Variants in ZNF236 observed in about 807,000 individuals in gnomAD.
ZNF236 encodes the protein zinc finger protein 236, also known as regulated by glucose.
ZNF236 carries 50 observed loss-of-function variants against 191.2 expected under a neutral mutation model. The observed-to-expected ratio is 0.26, with a 90% CI of 0.21 to 0.33. The LOEUF is 0.33. Among genes scored for constraint, ZNF236 ranks in the 10% least tolerant of loss-of-function variants. ZNF236 has a pLI of 1.00. For synonymous variants in ZNF236, 907 were observed against 928.8 expected (o/e 0.98, Z 0.43); for missense variants, 1,754 against 2,374.5 (o/e 0.74, Z 5.43).
intron 18 of ZNF236, 84 bp from the exon 19 acceptor site, chr18:76,915,563 C>T: frequency 8.0e-7 from 1 of 1,246,926 alleles, no homozygotes. Context: ...TTAAACATAT[C>T]TTTGTTTGGT....
intron 26 of ZNF236, among the ~76,000 whole-genome samples, chr18:76,939,926 C>T (rs562902022): frequency 8.2e-4 from 117 of 142,656 alleles, no homozygotes; most frequent in Middle Eastern, 5.2e-3. Flanking sequence ...ACACGGTGGG[C>T]GACCCTAGCA....
At chr18:76,924,917 G>A (rs1427505139) in intron 21 of ZNF236, among the ~76,000 whole-genome samples, 4 of 152,154 alleles carry the variant, frequency 2.6e-5, no homozygotes, top group African/African-American at 9.7e-5. Flanking sequence ...TCCAATCAAG[G>A]TTCAGAATAA....
At chr18:76,944,755 C>G (rs1336523283) in intron 26 of ZNF236, among the ~76,000 whole-genome samples, 1 of 152,054 alleles carries the variant, frequency 6.6e-6, no homozygotes, top group Non-Finnish European at 1.5e-5. Flanking sequence ...GCACTGTAGC[C>G]TGGGTAACAG....
rs945342927 is a variant in ZNF236, at chr18:76,968,793, A to G, written c.*454A>G. The G allele has an allele frequency of 6.3e-5, 62 of 989,970 alleles. No individual in the cohort carries two copies. Among genetic ancestry groups the G allele is most frequent in the African/African-American group, 7.0e-5 (4 of 57,274 alleles). The allele number at this position is 989,970 out of a possible 1,614,324, so 61.3% of individuals were successfully genotyped here. On this transcript the variant is annotated 3_prime_UTR_variant, in exon 31 of 31. Transcript: ENST00000320610. ...TTGAGGCATGAAGTTCAGAAAAAAA[A>G]GTGTTACAACACACAGGGAAGTTTT...
intron 1 of ZNF236, among the ~76,000 whole-genome samples, chr18:76,823,747 G>T (rs1286589673): frequency 6.6e-6 from 1 of 152,252 alleles, no homozygotes; most frequent in Non-Finnish European, 1.5e-5. Flanking sequence ...CCAGCCCGGA[G>T]CTTGAGGAAC....
intron 1 of ZNF236, among the ~76,000 whole-genome samples, chr18:76,842,620 G>T (rs1426519039): frequency 6.6e-6 from 1 of 151,856 alleles, no homozygotes; most frequent in Non-Finnish European, 1.5e-5. Flanking sequence ...GTGTGGTGGC[G>T]CATGCCTGTA....
intron 1 of ZNF236, among the ~76,000 whole-genome samples, chr18:76,829,388 T>G (rs537330723): frequency 4.0e-5 from 6 of 151,434 alleles, no homozygotes; most frequent in African/African-American, 1.5e-4. Flanking sequence ...AGTGCAGTGC[T>G]ATGATCTCGG....
chr18:76,824,970 T>C (rs1402298236), intron 1 of ZNF236, among the ~76,000 whole-genome samples: 1 of 152,232 alleles, frequency 6.6e-6, no homozygotes, highest in East Asian at 1.9e-4. Flanking sequence ...GTAAATCAGA[T>C]GGCTACACCC....
At chr18:76,928,499 C>T (rs887333270) in intron 25 of ZNF236, among the ~76,000 whole-genome samples, 4 of 152,082 alleles carry the variant, frequency 2.6e-5, no homozygotes, top group South Asian at 2.1e-4. Context: ...CTCTCTTTAC[C>T]GTATGTCTTC....
intron 26 of ZNF236, among the ~76,000 whole-genome samples, chr18:76,940,843 G>T (rs1968118572): frequency 6.6e-6 from 1 of 152,306 alleles, no homozygotes; most frequent in South Asian, 2.1e-4. Flanking sequence ...TAGCATCCAG[G>T]CCGCACAGCA....
intron 1 of ZNF236, among the ~76,000 whole-genome samples, chr18:76,829,191 T>C (rs550132885): frequency 6.6e-6 from 1 of 152,356 alleles, no homozygotes; most frequent in East Asian, 1.9e-4. Flanking sequence ...AGATAGTGCG[T>C]CTCTGCTTTC....
intron 3 of ZNF236, among the ~76,000 whole-genome samples, chr18:76,867,743 C>T (rs571895349): frequency 1.2e-4 from 19 of 152,336 alleles, no homozygotes; most frequent in Admixed American, 3.9e-4. Context: ...CTCTAGGCCA[C>T]GCACAGTCAG....
At chr18:76,823,984 A>C (rs1974946238) in intron 1 of ZNF236, among the ~76,000 whole-genome samples, 2 of 151,730 alleles carry the variant, frequency 1.3e-5, no homozygotes, top group Non-Finnish European at 2.9e-5. Flanking sequence ...TCTAAGGGGG[A>C]GTGGGCGCCT....
intron 30 of ZNF236, among the ~76,000 whole-genome samples, chr18:76,965,483 T>G (rs1968749461): frequency 6.6e-6 from 1 of 152,092 alleles, no homozygotes; most frequent in African/African-American, 2.4e-5. Context: ...ATTACCAGAG[T>G]TGGTTTTTCT....
intron 22 of ZNF236, among the ~76,000 whole-genome samples, chr18:76,926,341 G>A (rs1033328720): frequency 6.6e-6 from 1 of 152,072 alleles, no homozygotes; most frequent in Admixed American, 6.5e-5. Flanking sequence ...AGATTTCGCG[G>A]GTGATTAGAC....
chr18:76,961,093 G>A (rs1010662754), intron 30 of ZNF236, among the ~76,000 whole-genome samples: 6 of 152,044 alleles, frequency 3.9e-5, no homozygotes, highest in East Asian at 3.8e-4. Context: ...TGAGATTTTC[G>A]TGCACCCATC....
rs781692786 is a variant in ZNF236 at position 76,910,712 on chromosome 18, A to G, written c.2706A>G (p.Gln902=). ...YHQQPQFPPV[Q]QLQDSSTLES... ...AGCAGCCTCAGTTTCCACCTGTCCAACAGCTACAGGATTCCAGCACACTTG... is the reference window on the plus strand; with the variant it reads ...AGCAGCCTCAGTTTCCACCTGTCCAGCAGCTACAGGATTCCAGCACACTTG... Residue 902 remains glutamine (Q), a synonymous_variant, in exon 16 of 31, where the codon CAA becomes CAG. Transcript: ENST00000320610. 1.9e-6 allele frequency: 3 copies of G among 1,614,172 alleles called. No homozygotes were observed. The highest frequency in any genetic ancestry group is 2.7e-5 in the African/African-American group (2 of 75,028).
rs766225440 is a variant in ZNF236 at position 76,956,040 on chromosome 18, G to A, written c.4970G>A (p.Arg1657Gln). 11 of 1,610,000 alleles carry A rather than the reference G, an allele frequency of 6.8e-6. No individual in the cohort carries two copies. Among genetic ancestry groups the A allele is most frequent in the South Asian group, 1.1e-5 (1 of 90,420 alleles). The change falls in exon 28 of 31, where the codon CGG becomes CAG. Residue 1657 changes from arginine (R) to glutamine (Q), a missense_variant. Transcript: ENST00000320610. ...APGNQPEKEGRAHQCLECDRA... is the reference protein window; with the variant it reads ...APGNQPEKEGQAHQCLECDRA... ...GGCAACCAGCCAGAGAAGGAGGGCC[G>A]GGCGCACCAGTGCCTGGAGTGTGAC...
rs1425937969 is a variant in ZNF236, at chr18:76,875,505, C to T, written c.681C>T (p.Phe227=). The T allele has an allele frequency of 1.3e-6, 2 of 1,531,404 alleles. No homozygotes were observed. The highest frequency in any genetic ancestry group is 1.8e-6 in the Non-Finnish European group (2 of 1,133,556). 94.9% of individuals were successfully genotyped at this position (1,531,404 alleles called of 1,614,324 possible). ...HIRIHTGERP[F]KCSECGKAFN... is the part of the protein sequence containing the mutation. ...CTCCCACTCTAGGTGAAAGGCCGTT[C>T]AAATGTAGTGAATGTGGAAAGGCTT... The change falls in exon 6 of 31, where the codon TTC becomes TTT. Residue 227 remains phenylalanine, a synonymous_variant. Transcript: ENST00000320610. This position sits in a 1 kb window ranked among gnomAD's most constrained non-coding sequence, Gnocchi z 4.3.
Sources: gnomAD v4.1 joint callset for allele counts (sites outside exome capture counted in the v4.1 genomes callset) on GRCh38, gnomAD v4.1.1 for gene constraint, Gnocchi (gnomAD v3.1) non-coding constraint, MANE v1.5 for transcripts, NCBI Gene and HGNC (gene_info 2026-07-23, HGNC 2026-07-21) for gene names.